Variants in SMC3 observed in about 807,000 individuals in gnomAD.
SMC3 encodes structural maintenance of chromosomes protein 3.
In SMC3, 20 loss-of-function variants were observed where a neutral mutation model predicts 171.8. The observed-to-expected ratio is 0.12, with a 90% CI of 0.08 to 0.17. The LOEUF is 0.17. SMC3 is among the 10% of genes least tolerant of loss of function. The pLI, the probability that SMC3 is intolerant of heterozygous loss-of-function variation, is 1.00. For synonymous variants in SMC3, 464 were observed against 451.1 expected (o/e 1.03, Z -0.36); for missense variants, 543 against 1,420.4 (o/e 0.38, Z 9.93).
rs778395233 is a variant in SMC3, at chr10:110,605,018, A to G, written c.*716A>G. Reference sequence around the variant, plus strand: ...GTTTATCATATCTTGACAATTTTGAATAATATTCACATATTTTGTAGAATG... The same window carrying G: ...GTTTATCATATCTTGACAATTTTGAGTAATATTCACATATTTTGTAGAATG... On this transcript the variant is annotated 3_prime_UTR_variant, in exon 29 of 29. Transcript: ENST00000361804. Among the ~76,000 whole-genome samples, 32 of 152,192 alleles carry G rather than the reference A, an allele frequency of 2.1e-4. No individual in the cohort carries two copies. The highest frequency in any genetic ancestry group is 3.8e-4 in the Non-Finnish European group (26 of 68,020).
At chr10:110,582,226 T>C in intron 9 of SMC3, 128 bp downstream of exon 9, 1 of 859,288 alleles carries the variant, frequency 1.2e-6, no homozygotes, top group Non-Finnish European at 1.8e-6. Flanking sequence ...TCAATGAATT[T>C]ATTAGTCAGC....
chr10:110,592,720 G>A (rs1482656285), intron 17 of SMC3, among the ~76,000 whole-genome samples: 1 of 152,144 alleles, frequency 6.6e-6, no homozygotes. Context: ...GGTATGTATT[G>A]TCTACGATTT....
At chr10:110,594,741 G>A (rs997748786) in intron 18 of SMC3, among the ~76,000 whole-genome samples, 4 of 151,690 alleles carry the variant, frequency 2.6e-5, no homozygotes, top group South Asian at 2.1e-4. Flanking sequence ...GTATATGTAC[G>A]TTTTGTTGTG....
chr10:110,602,409 A>G, intron 25 of SMC3, 65 bp from the exon 26 acceptor site: 2 of 1,321,966 alleles, frequency 1.5e-6, no homozygotes, highest in Admixed American at 1.9e-5. Context: ...GCTTTTAAAT[A>G]TTTTACTTAA....
chr10:110,601,507 ATT>A lies in SMC3; in HGVS notation c.2645-127_2645-126del, dbSNP rs1297947779. 7.3e-6 allele frequency: 7 copies of A among 963,642 alleles called. No homozygotes were observed. The African/African-American group carries it at 1.1e-4, about 16-fold the overall frequency. The allele number at this position is 963,642 out of a possible 1,614,324, so 59.7% of individuals were successfully genotyped here. On this transcript the variant is annotated intron_variant, in intron 23 of 28. Transcript: ENST00000361804. ...TGTACTGACTTAACATGGTTCATAAATTTTCACAGAAAATTTTAAACACAAAA... is the reference window on the plus strand; with the variant it reads ...TGTACTGACTTAACATGGTTCATAAATTCACAGAAAATTTTAAACACAAAA...
chr10:110,603,352 A>C (rs2134754697), intron 28 of SMC3, 62 bp downstream of exon 28: 1 of 1,052,466 alleles, frequency 9.5e-7, no homozygotes, highest in East Asian at 2.6e-5. Flanking sequence ...TTGAATTCTG[A>C]TTTTATGTTA....
rs957097239 is a variant in SMC3 at position 110,595,430 on chromosome 10, T to C, written c.1964-968T>C. On this transcript the variant is annotated intron_variant, in intron 18 of 28. Transcript: ENST00000361804. ...ATGCTACATGAATGATATGTACTTA[T>C]GGTGTCATATAATGTGTCCCATTGT... 4.6e-5 allele frequency among the ~76,000 whole-genome samples: 7 copies of C among 152,250 alleles called. 1 individual carries two copies. The highest frequency in any genetic ancestry group is 4.1e-4 in the South Asian group (2 of 4,836).
chr10:110,575,347 G>A lies in SMC3; in HGVS notation c.142G>A (p.Val48Ile). 6.2e-7 allele frequency: 1 copy of A among 1,613,452 alleles called. No individual in the cohort carries two copies. The highest frequency in any genetic ancestry group is 8.5e-7 in the Non-Finnish European group (1 of 1,179,604). The change falls in exon 4 of 29, where the codon GTT becomes ATT. Residue 48 changes from valine to isoleucine, a missense_variant. This residue lies in a region of SMC3 where 146 missense variants were observed against 437.9 expected (regional missense o/e 0.33). Transcript: ENST00000361804. Reference sequence around the variant, plus strand: ...TTTTGTATTTCCAGCAATTCAGTTTGTTCTCAGTGATGAGTTTAGTCATCT... The same window carrying A: ...TTTTGTATTTCCAGCAATTCAGTTTATTCTCAGTGATGAGTTTAGTCATCT... ...KSNFFYAIQF[V>I]LSDEFSHLRP...
chr10:110,594,110 A>ATG (rs869109374), intron 18 of SMC3, among the ~76,000 whole-genome samples: 12 of 70,950 alleles, frequency 1.7e-4, no homozygotes, highest in Non-Finnish European at 3.7e-4. Flanking sequence ...ATGTGATCAT[A>ATG]TAGCAGGGGT....
rs79551490 is a variant in SMC3, at chr10:110,585,604, A to T, written c.1305+1208A>T. ...ATGCCCGGTGTAATTTTTTTTTTTTAAAACTTCATTTTTTGGTATTCCAGC... is the reference window on the plus strand; with the variant it reads ...ATGCCCGGTGTAATTTTTTTTTTTTTAAACTTCATTTTTTGGTATTCCAGC... On this transcript the variant is annotated intron_variant, in intron 13 of 28. Coordinates refer to ENST00000361804, the MANE Select transcript of SMC3 (RefSeq NM_005445.4). Among the ~76,000 whole-genome samples, 463 of 149,704 alleles carry T rather than the reference A, an allele frequency of 3.1e-3. 4 individuals carry two copies. The highest frequency in any genetic ancestry group is 9.9e-3 in the African/African-American group (405 of 40,796).
chr10:110,569,127 A>AT (rs1439672466), intron 2 of SMC3, 114 bp downstream of exon 2: 2 of 740,836 alleles, frequency 2.7e-6, no homozygotes, highest in Non-Finnish European at 4.8e-6. Context: ...ATTAAGTTAT[A>AT]TTTTTCTGCG....
At chr10:110,576,266 A>C (rs953140068) in intron 4 of SMC3, among the ~76,000 whole-genome samples, 5 of 152,228 alleles carry the variant, frequency 3.3e-5, no homozygotes, top group African/African-American at 1.2e-4. Context: ...GTAGACTGCT[A>C]TCACGTTGTC....
chr10:110,604,094 CAAA>C (rs57491050), intron 28 of SMC3, 134 bp from the exon 29 acceptor site: 1,079 of 228,590 alleles, frequency 4.7e-3, no homozygotes, highest in East Asian at 8.0e-3. Context: ...GACTCCATCT[CAAA>C]AAAAAAAAAA....
intron 4 of SMC3, 131 bp downstream of exon 4, chr10:110,575,534 G>A: frequency 1.3e-6 from 1 of 743,936 alleles, no homozygotes; most frequent in Non-Finnish European, 2.3e-6. Context: ...TCTCATAAGT[G>A]TGTTACTCTG....
At chr10:110,596,207 A>G (rs1861297859) in intron 18 of SMC3, among the ~76,000 whole-genome samples, 191 bp from the exon 19 acceptor site, 1 of 130,420 alleles carries the variant, frequency 7.7e-6, no homozygotes, top group African/African-American at 2.9e-5. Context: ...GAGCAACAAG[A>G]GCAAGACCCT....
chr10:110,573,913 C>A (rs1369516745), intron 3 of SMC3, among the ~76,000 whole-genome samples, 168 bp downstream of exon 3: 1 of 152,136 alleles, frequency 6.6e-6, no homozygotes, highest in Non-Finnish European at 1.5e-5. Context: ...CTGAATTCTG[C>A]TTTATACCCA....
chr10:110,591,608 A>C (rs1306032258), intron 17 of SMC3, among the ~76,000 whole-genome samples: 2 of 152,212 alleles, frequency 1.3e-5, no homozygotes, highest in African/African-American at 4.8e-5. Flanking sequence ...CTTCGGAAGC[A>C]TAACATTGCT....
At chr10:110,582,797 T>A (rs1861052358) in intron 10 of SMC3, among the ~76,000 whole-genome samples, 155 bp downstream of exon 10, 1 of 152,138 alleles carries the variant, frequency 6.6e-6, no homozygotes, top group Non-Finnish European at 1.5e-5. Context: ...GCTTCCTGAA[T>A]AGCTGGAGCA....
intron 3 of SMC3, 83 bp from the exon 4 acceptor site, chr10:110,575,253 A>G (rs763982168): frequency 3.3e-5 from 31 of 925,648 alleles, no homozygotes; most frequent in Admixed American, 2.7e-4. Context: ...CAGACACACT[A>G]TGTTCTATTG....
Sources: allele counts gnomAD v4.1 joint callset (sites outside exome capture counted in the v4.1 genomes callset), GRCh38; gene constraint gnomAD v4.1.1; regional missense constraint gnomAD v4.1.1; transcripts MANE v1.5; gene names NCBI Gene and HGNC (gene_info 2026-07-23, HGNC 2026-07-21).